Variants in CNTNAP5 observed in about 807,000 individuals in gnomAD.
The protein encoded by CNTNAP5 is contactin associated protein family member 5.
Under a neutral mutation model 150.2 loss-of-function variants are expected in CNTNAP5, and 72 were observed. The observed-to-expected ratio is 0.48, with a 90% confidence interval of 0.40 to 0.58. CNTNAP5 has a LOEUF of 0.58. Ranked by LOEUF, CNTNAP5 falls within the 20% of genes least tolerant of loss-of-function variation. CNTNAP5 has a pLI of 0.00. For missense variants in CNTNAP5, 1,636 were observed against 1,626.2 expected, an observed-to-expected ratio of 1.01 and a Z score of -0.10; for synonymous variants, 672 against 619.8, an observed-to-expected ratio of 1.08 and a Z score of -1.25.
intron 19 of CNTNAP5, among the ~76,000 whole-genome samples, chr2:124,864,528 TTCTC>T (rs145502587): frequency 6.8e-6 from 1 of 147,774 alleles, no homozygotes; most frequent in African/African-American, 2.5e-5. Flanking sequence ...TGAGCTAATA[TTCTC>T]TCTCTCTCTC....
At chr2:124,758,560 G>A (rs1283743273) in intron 14 of CNTNAP5, among the ~76,000 whole-genome samples, 1 of 152,098 alleles carries the variant, frequency 6.6e-6, no homozygotes, top group African/African-American at 2.4e-5. Context: ...AATTTAATAA[G>A]AGAAGTCTCA....
intron 13 of CNTNAP5, among the ~76,000 whole-genome samples, chr2:124,707,140 GGAAGAAGAAGAAGAAGAAGAAGAA>G (rs76714465): frequency 0.02 from 1,765 of 86,470 alleles, 96 homozygotes; most frequent in East Asian, 0.048. Context: ...AAGAAGAAGA[GGAAGAAGAAGAAGAAGAAGAAGAA>G]GAAGAAGAAG....
intron 3 of CNTNAP5, among the ~76,000 whole-genome samples, chr2:124,297,525 A>C (rs1688464396): frequency 6.6e-6 from 1 of 152,146 alleles, no homozygotes; most frequent in South Asian, 2.1e-4. Flanking sequence ...CCAATCAAAA[A>C]GTTCCCACAT....
chr2:124,038,760 G>C (rs756735572), intron 1 of CNTNAP5, among the ~76,000 whole-genome samples: 3 of 152,154 alleles, frequency 2.0e-5, no homozygotes, highest in African/African-American at 7.2e-5. Context: ...TGTAGGTACC[G>C]TGTGAAGACT....
intron 1 of CNTNAP5, among the ~76,000 whole-genome samples, chr2:124,200,503 C>T (rs1215095384): frequency 6.6e-6 from 1 of 152,040 alleles, no homozygotes; most frequent in Non-Finnish European, 1.5e-5. Flanking sequence ...TTTACTTCTT[C>T]TAATATGCTT....
intron 3 of CNTNAP5, among the ~76,000 whole-genome samples, chr2:124,267,278 G>A (rs1177706966): frequency 3.3e-5 from 5 of 152,118 alleles, no homozygotes; most frequent in South Asian, 2.1e-4. Context: ...GAATATTTGC[G>A]AAGGAATGAC....
At chr2:124,495,869 A>T (rs1694130646) in intron 7 of CNTNAP5, among the ~76,000 whole-genome samples, 1 of 151,596 alleles carries the variant, frequency 6.6e-6, no homozygotes, top group South Asian at 2.1e-4. Context: ...TCCCAGCTTC[A>T]CTCCTTCTTA....
At chr2:124,561,297 GT>G (rs1427138364) in intron 10 of CNTNAP5, among the ~76,000 whole-genome samples, 11 of 152,324 alleles carry the variant, frequency 7.2e-5, no homozygotes, top group African/African-American at 2.4e-4. Context: ...ATTCAAAACA[GT>G]GCTAGCCCCC....
At chr2:124,856,382 G>A (rs1677374232) in intron 19 of CNTNAP5, among the ~76,000 whole-genome samples, 1 of 152,140 alleles carries the variant, frequency 6.6e-6, no homozygotes, top group South Asian at 2.1e-4. Flanking sequence ...TCAAACGGTA[G>A]TTCTACTTTT....
At chr2:124,187,988 C>T (rs1237642172) in intron 1 of CNTNAP5, among the ~76,000 whole-genome samples, 1 of 152,072 alleles carries the variant, frequency 6.6e-6, no homozygotes, top group Non-Finnish European at 1.5e-5. Context: ...AAGATCTGAT[C>T]AGGGAGTAGG....
intron 14 of CNTNAP5, among the ~76,000 whole-genome samples, chr2:124,762,321 A>G (rs1395246602): frequency 6.6e-6 from 1 of 152,144 alleles, no homozygotes; most frequent in Non-Finnish European, 1.5e-5. Flanking sequence ...ATCAAGATGA[A>G]TTAATATGTT....
chr2:124,803,694 G>C (rs1682020922), intron 19 of CNTNAP5, among the ~76,000 whole-genome samples: 1 of 152,188 alleles, frequency 6.6e-6, no homozygotes, highest in Non-Finnish European at 1.5e-5. Context: ...ACACACCTTG[G>C]AAGGAATAAT....
At chr2:124,280,253 T>G (rs935557584) in intron 3 of CNTNAP5, among the ~76,000 whole-genome samples, 2 of 152,006 alleles carry the variant, frequency 1.3e-5, no homozygotes, top group Admixed American at 1.3e-4. Context: ...CTGAAACCTC[T>G]ACCTCCCTGG....
intron 1 of CNTNAP5, among the ~76,000 whole-genome samples, chr2:124,108,205 T>TG: frequency 6.6e-6 from 1 of 152,166 alleles, no homozygotes; most frequent in Admixed American, 6.5e-5. Context: ...CACAAGGAAT[T>TG]TTAACCTTAG....
At chr2:124,418,866 G>A (rs1427988792) in intron 4 of CNTNAP5, among the ~76,000 whole-genome samples, 1 of 151,948 alleles carries the variant, frequency 6.6e-6, no homozygotes, top group Admixed American at 6.5e-5. Flanking sequence ...CGGGCGCGGT[G>A]GCTCACGCCT....
intron 6 of CNTNAP5, among the ~76,000 whole-genome samples, chr2:124,462,898 C>T (rs950055174): frequency 2.0e-5 from 3 of 152,256 alleles, no homozygotes; most frequent in Admixed American, 2.0e-4. Context: ...CTGCAAACAG[C>T]TGCCTGTTGG....
In CNTNAP5 at chr2:124,524,260, T is replaced by C. The variant is rs201519692; in HGVS notation, c.1328-43T>C. 485 of 1,610,092 alleles carry C rather than the reference T, an allele frequency of 3.0e-4. 2 individuals are homozygous for C. In the African/African-American group the frequency reaches 5.7e-3, roughly 19 times the overall value. On this transcript the variant is annotated intron_variant, in intron 8 of 23. Transcript: ENST00000682447. Reference sequence around the variant, plus strand: ...ATGAGCCCCCTCTCTCTAAGTCTTCTGGACCCATCATCTCTATGCTTACTC... The same window carrying C: ...ATGAGCCCCCTCTCTCTAAGTCTTCCGGACCCATCATCTCTATGCTTACTC...
rs1159143096 is a variant in CNTNAP5 at position 124,434,621 on chromosome 2, G to A, written c.667G>A (p.Gly223Ser). 1.2e-6 allele frequency: 2 copies of A among 1,613,748 alleles called. No homozygotes were observed. Among genetic ancestry groups the A allele is most frequent in the African/African-American group, 1.3e-5 (1 of 74,916 alleles). Residue 223 changes from glycine (G) to serine (S), a missense_variant, in exon 5 of 24, where the codon GGT becomes AGT. Gly to Ser is a moderately conservative substitution (Grantham distance 56). Transcript: ENST00000682447. ...AGATGGGGTCCTGTTCCATGGAGAA[G>A]GTCAGCGTGGAGACCACATCACCTT... Reference protein sequence around the residue: ...QGDGVLFHGEGQRGDHITLEL... With the variant: ...QGDGVLFHGESQRGDHITLEL...
At chr2:124,333,819 AC>A (rs1339786194) in intron 3 of CNTNAP5, among the ~76,000 whole-genome samples, 1 of 152,200 alleles carries the variant, frequency 6.6e-6, no homozygotes, top group Non-Finnish European at 1.5e-5. Context: ...AAGGCAAAGT[AC>A]TAAGATCTTT....
Sources: allele counts gnomAD v4.1 joint callset (sites outside exome capture counted in the v4.1 genomes callset), GRCh38; gene constraint gnomAD v4.1.1; transcripts MANE v1.5; gene names NCBI Gene and HGNC (gene_info 2026-07-23, HGNC 2026-07-21).